Variants in LAMA3 observed in about 807,000 individuals in gnomAD.
LAMA3 encodes laminin subunit alpha 3.
LAMA3 carries 281 observed loss-of-function variants against 402.0 expected under a neutral mutation model. The observed-to-expected ratio is 0.70, with a 90% CI of 0.63 to 0.77. The LOEUF is 0.77. Ranked by LOEUF, LAMA3 falls within the 30% of genes least tolerant of loss-of-function variation. The pLI is 0.00. For missense variants in LAMA3, 3,840 were observed against 4,215.5 expected, an observed-to-expected ratio of 0.91 and a Z score of 2.47; for synonymous variants, 1,431 against 1,558.4, an observed-to-expected ratio of 0.92 and a Z score of 1.93.
At chr18:23,691,573 A>C (rs1178270647) in intron 1 of LAMA3, among the ~76,000 whole-genome samples, 1 of 152,124 alleles carries the variant, frequency 6.6e-6, no homozygotes, top group Non-Finnish European at 1.5e-5. Flanking sequence ...TTCAGTTTTT[A>C]ATTTAATTTT....
At chr18:23,819,482 G>T (rs1416657820) in intron 18 of LAMA3, among the ~76,000 whole-genome samples, 2 of 152,140 alleles carry the variant, frequency 1.3e-5, no homozygotes, top group Non-Finnish European at 2.9e-5. Flanking sequence ...ATGAGTGAAT[G>T]AATATATAAA....
chr18:23,792,609 C>T (rs2062680790), intron 12 of LAMA3, among the ~76,000 whole-genome samples: 1 of 152,202 alleles, frequency 6.6e-6, no homozygotes, highest in African/African-American at 2.4e-5. Flanking sequence ...ACATCCAAAC[C>T]ATAGCATATG....
At chr18:23,821,886 C>T in intron 19 of LAMA3, among the ~76,000 whole-genome samples, 1 of 152,178 alleles carries the variant, frequency 6.6e-6, no homozygotes, top group Non-Finnish European at 1.5e-5. Flanking sequence ...TCCTTCTCTT[C>T]TGCCTTTTTA....
At chr18:23,846,170 C>T (rs1031419470) in intron 30 of LAMA3, 127 bp from the exon 31 acceptor site, 3 of 978,578 alleles carry the variant, frequency 3.1e-6, no homozygotes, top group Non-Finnish European at 5.0e-6. Context: ...CCCACTCTTC[C>T]CTGACTCCAG....
At chr18:23,912,329 G>C (rs1430407710) in intron 55 of LAMA3, among the ~76,000 whole-genome samples, 2 of 151,774 alleles carry the variant, frequency 1.3e-5, no homozygotes, top group South Asian at 4.1e-4. Context: ...TTACATGTCT[G>C]ATTGTATGCC....
intron 1 of LAMA3, among the ~76,000 whole-genome samples, chr18:23,709,280 C>T (rs1228039345): frequency 1.3e-5 from 2 of 151,784 alleles, no homozygotes; most frequent in African/African-American, 2.4e-5. Flanking sequence ...TCCATGTTGC[C>T]GAGGCTGCTC....
chr18:23,934,039 A>G (rs2082242851), intron 67 of LAMA3, 104 bp downstream of exon 67: 1 of 1,065,508 alleles, frequency 9.4e-7, no homozygotes, highest in African/African-American at 1.6e-5. Context: ...TCACCAGTCC[A>G]TAAAGTGGGA....
At chr18:23,770,513 G>T (rs8086776) in intron 8 of LAMA3, among the ~76,000 whole-genome samples, 3,103 of 152,306 alleles carry the variant, frequency 0.02, 110 homozygotes, top group African/African-American at 0.07. Flanking sequence ...TGTAATCCCA[G>T]CACTTTGGGA....
chr18:23,813,038 A>T lies in LAMA3; in HGVS notation c.1742-19A>T. The T allele has an allele frequency of 6.3e-7, 1 of 1,582,508 alleles. No homozygotes were observed. The highest frequency in any genetic ancestry group is 8.7e-7 in the Non-Finnish European group (1 of 1,151,630). ...AAACAAACTACCAGATAATTTAAAA[A>T]TTTCTGAATCATATTCAGGTTCCAG... On this transcript the variant is annotated intron_variant, in intron 13 of 74. Transcript: ENST00000313654.
At chr18:23,846,624 A>T in intron 31 of LAMA3, 116 bp downstream of exon 31, 1 of 978,038 alleles carries the variant, frequency 1.0e-6, no homozygotes, top group Non-Finnish European at 1.6e-6. Context: ...GATCTGGAGA[A>T]ATGCAGATTC....
At chr18:23,949,141 C>A (rs778368916) in intron 70 of LAMA3, among the ~76,000 whole-genome samples, 3 of 152,214 alleles carry the variant, frequency 2.0e-5, no homozygotes, top group South Asian at 2.1e-4. Flanking sequence ...TCTAGGCAGG[C>A]ATGGGGCTCC....
chr18:23,710,227 C>A (rs1598622698), intron 1 of LAMA3: 1 of 625,394 alleles, frequency 1.6e-6, no homozygotes, highest in East Asian at 3.4e-5. Flanking sequence ...GCCTTCAAAA[C>A]CTTCGTTTTG....
At chr18:23,757,880 G>A (rs568108460) in intron 6 of LAMA3, among the ~76,000 whole-genome samples, 2 of 152,348 alleles carry the variant, frequency 1.3e-5, no homozygotes, top group African/African-American at 2.4e-5. Context: ...TGGAGCTGGC[G>A]CAGCCTCTGG....
chr18:23,904,591 G>A lies in LAMA3; in HGVS notation c.6512G>A (p.Cys2171Tyr). Residue 2171 changes from cysteine to tyrosine, a missense_variant, in exon 51 of 75, where the codon TGT becomes TAT. Cys to Tyr is a radical substitution (Grantham distance 194, BLOSUM62 -2). This residue lies in a region of LAMA3 where 891 missense variants were observed against 857.5 expected (regional missense o/e 1.04). Transcript: ENST00000313654. ...GCCAGCGGGGATGAGCTGGTGCGCT[G>A]TGCTGTGGATGCCGCCACCGCCTAC... The part of the protein sequence containing the change: ...RNASGDELVR[C>Y]AVDAATAYEN... The A allele has an allele frequency of 6.2e-7, 1 of 1,610,664 alleles. No individual in the cohort carries two copies. Among genetic ancestry groups the A allele is most frequent in the South Asian group, 1.1e-5 (1 of 90,216 alleles).
intron 41 of LAMA3, 27 bp downstream of exon 41, chr18:23,884,880 GCCTGC>G (rs748438149): frequency 6.4e-7 from 1 of 1,572,322 alleles, no homozygotes; most frequent in East Asian, 2.3e-5. Flanking sequence ...TCCCGCCTCA[GCCTGC>G]AGAGGGGGCG....
intron 6 of LAMA3, among the ~76,000 whole-genome samples, chr18:23,754,399 A>G (rs2061806347): frequency 6.6e-6 from 1 of 152,160 alleles, no homozygotes. Context: ...GTGGAATCAT[A>G]CAGTATTTGT....
chr18:23,941,335 C>T (rs866907159), intron 68 of LAMA3, among the ~76,000 whole-genome samples: 2 of 142,870 alleles, frequency 1.4e-5, no homozygotes, highest in Non-Finnish European at 1.6e-5. Flanking sequence ...CGCCCCCCCC[C>T]CGCCCGGCAG....
Position 23,920,986 on chromosome 18 carries a change from A to G in LAMA3, c.7975A>G (p.Lys2659Glu). 1.2e-6 allele frequency: 2 copies of G among 1,614,136 alleles called. No homozygotes were observed. Among genetic ancestry groups the G allele is most frequent in the Non-Finnish European group, 8.5e-7 (1 of 1,179,990 alleles). The change falls in exon 61 of 75, where the codon AAA (lysine) becomes GAA (glutamate). Residue 2659 changes from lysine to glutamate, a missense_variant. By Grantham distance (56) the Lys-to-Glu change is moderately conservative (BLOSUM62 1). Coordinates refer to ENST00000313654, the MANE Select transcript of LAMA3 (RefSeq NM_198129.4). ...IEDGKLMVRY[K>E]LNSELPKERG... ...AGATGGCAAGCTCATGGTGAGATAC[A>G]AACTGAATTCAGAGCTACCAAAAGA...
rs773032784 is a variant in LAMA3, at chr18:23,750,923, G to A, written c.690G>A (p.Val230=). The change falls in exon 5 of 75, where the codon GTG becomes GTA. Residue 230 remains valine, a synonymous_variant. Coordinates refer to ENST00000313654, the MANE Select transcript of LAMA3 (RefSeq NM_198129.4). ...TGTGTGTGTGGTCATTTTAGGTTGT[G>A]GTGTCCTTGATAAACGGTCGTCCAG... ...RIVPLENGEV[V]VSLINGRPGA... is the part of the protein sequence containing the mutation. 1.5e-5 allele frequency: 24 copies of A among 1,613,902 alleles called. No homozygotes were observed. The highest frequency in any genetic ancestry group is 2.7e-5 in the African/African-American group (2 of 74,890).
Sources: allele counts gnomAD v4.1 joint callset (sites outside exome capture counted in the v4.1 genomes callset), GRCh38; gene constraint gnomAD v4.1.1; regional missense constraint gnomAD v4.1.1; transcripts MANE v1.5; gene names NCBI Gene and HGNC (gene_info 2026-07-23, HGNC 2026-07-21).